MROH2B: variants seen among roughly 807,000 people sequenced by gnomAD.
The protein encoded by MROH2B is maestro heat like repeat family member 2B, also known as maestro heat-like repeat-containing protein family member 2B.
In MROH2B, 177 loss-of-function variants were observed where a neutral mutation model predicts 208.6. That is an observed-to-expected ratio of 0.85 (90% CI 0.75 to 0.96). The LOEUF is 0.96. Ranked by LOEUF, MROH2B falls within the 40% of genes least tolerant of loss-of-function variation. MROH2B has a pLI of 0.00. For missense variants in MROH2B, 2,002 were observed against 1,878.7 expected, an observed-to-expected ratio of 1.07 and a Z score of -1.21; for synonymous variants, 728 against 659.0, an observed-to-expected ratio of 1.10 and a Z score of -1.60.
chr5:41,008,528 A>T (rs1741665777), intron 33 of MROH2B, 78 bp downstream of exon 33: 1 of 1,509,746 alleles, frequency 6.6e-7, no homozygotes, highest in Non-Finnish European at 9.0e-7. Context: ...GAAAGCACAG[A>T]CCCTGACTTC....
intron 24 of MROH2B, among the ~76,000 whole-genome samples, chr5:41,024,958 G>C (rs1301048877): frequency 3.3e-5 from 5 of 152,134 alleles, no homozygotes; most frequent in South Asian, 2.1e-4. Context: ...CGAAATGAAG[G>C]CAGAAATAAA....
chr5:41,042,132 T>G lies in MROH2B; in HGVS notation c.1913A>C (p.Glu638Ala), dbSNP rs1742972817. ...DSDFVNSQIKEFLTAPNQLGD... is the reference protein window; with the variant it reads ...DSDFVNSQIKAFLTAPNQLGD... ...CAGTTGGTTGGGAGCAGTCAGAAAC[T>G]CCTTAATCTGTGAGTTTACAAAGTC... Residue 638 changes from glutamate to alanine, a missense_variant, in exon 19 of 42, where the codon GAG becomes GCG. Glu to Ala is a moderately radical substitution (Grantham distance 107). Transcript: ENST00000399564. 2.5e-6 allele frequency: 4 copies of G among 1,596,660 alleles called. No individual in the cohort carries two copies. The highest frequency in any genetic ancestry group is 1.7e-5 in the Admixed American group (1 of 58,008).
chr5:41,031,537 T>A (rs978157556), intron 24 of MROH2B, among the ~76,000 whole-genome samples: 3 of 152,184 alleles, frequency 2.0e-5, no homozygotes, highest in African/African-American at 7.2e-5. Context: ...TTTTAAAAAA[T>A]TTTTGTGATT....
intron 24 of MROH2B, among the ~76,000 whole-genome samples, chr5:41,028,725 G>A (rs1052071300): frequency 6.6e-6 from 1 of 152,104 alleles, no homozygotes; most frequent in Admixed American, 6.6e-5. Context: ...CAGACACCTA[G>A]GTTGTTTCTA....
Position 41,000,254 on chromosome 5 carries a change from G to A in MROH2B, c.4448C>T (p.Ala1483Val), listed in dbSNP as rs1741345525. 2 of 1,613,890 alleles carry A rather than the reference G, an allele frequency of 1.2e-6. No individual in the cohort carries two copies. The highest frequency in any genetic ancestry group is 8.5e-7 in the Non-Finnish European group (1 of 1,179,824). Residue 1483 changes from alanine (A) to valine (V), a missense_variant, in exon 39 of 42, where the codon GCC (alanine) becomes GTC (valine). By Grantham distance (64) the Ala-to-Val change is moderately conservative. Transcript: ENST00000399564. The part of the protein sequence containing the change: ...DRLLDQDLPR[A>V]RDFYRQFCVK... ...ACAGAATTGCCTGTAGAAATCCCTGGCCCTTGGTAGATCCTGATCAAGGAG... is the reference window on the plus strand; with the variant it reads ...ACAGAATTGCCTGTAGAAATCCCTGACCCTTGGTAGATCCTGATCAAGGAG...
intron 7 of MROH2B, among the ~76,000 whole-genome samples, chr5:41,057,670 C>T (rs1404598519): frequency 6.7e-6 from 1 of 149,986 alleles, no homozygotes; most frequent in Non-Finnish European, 1.5e-5. Flanking sequence ...GATTCTCCTG[C>T]CTCAGCCTCC....
intron 37 of MROH2B, among the ~76,000 whole-genome samples, chr5:41,003,238 G>A (rs544739643): frequency 6.6e-6 from 1 of 152,244 alleles, no homozygotes; most frequent in African/African-American, 2.4e-5. Flanking sequence ...TGGGATTACA[G>A]GCGTGAGCCA....
rs1013983200 is a variant in MROH2B, at chr5:41,016,843, T to C, written c.2884+1007A>G. Among the ~76,000 whole-genome samples the C allele has an allele frequency of 5.3e-5, 8 of 152,096 alleles. No homozygotes were observed. The South Asian group carries it at 1.5e-3, about 28-fold the overall frequency. On this transcript the variant is annotated intron_variant, in intron 28 of 41. Coordinates refer to ENST00000399564, the MANE Select transcript of MROH2B (RefSeq NM_173489.5). Reference sequence around the variant, plus strand: ...TTTTTCCTGACTTGGTAAAAACATATATCTTTAATCAATTATCTTCCTATA... The same window carrying C: ...TTTTTCCTGACTTGGTAAAAACATACATCTTTAATCAATTATCTTCCTATA...
intron 7 of MROH2B, 31 bp downstream of exon 7, chr5:41,058,032 T>A: frequency 6.8e-7 from 1 of 1,467,326 alleles, no homozygotes. Context: ...GCGGGTTCTC[T>A]GATTCAGTTC....
chr5:41,046,025 AC>A (rs1743108223), intron 17 of MROH2B, among the ~76,000 whole-genome samples, 172 bp from the exon 18 acceptor site: 1 of 152,318 alleles, frequency 6.6e-6, no homozygotes, highest in East Asian at 1.9e-4. Flanking sequence ...ATTCTAAAAA[AC>A]ATTTTCTGAT....
chr5:41,032,250 G>A (rs1250547892), intron 24 of MROH2B, among the ~76,000 whole-genome samples: 1 of 152,012 alleles, frequency 6.6e-6, no homozygotes, highest in Non-Finnish European at 1.5e-5. Flanking sequence ...TGAGTTTTTA[G>A]TAATAGCCAT....
At chr5:41,055,401 G>A (rs771288413) in intron 10 of MROH2B, among the ~76,000 whole-genome samples, 3 of 152,060 alleles carry the variant, frequency 2.0e-5, no homozygotes, top group Non-Finnish European at 4.4e-5. Context: ...TTTTGTAAAC[G>A]TATCAATCTC....
At chr5:41,004,642 C>T (rs1579900113) in intron 36 of MROH2B, 114 bp from the exon 37 acceptor site, 1 of 1,512,238 alleles carries the variant, frequency 6.6e-7, no homozygotes, top group East Asian at 2.3e-5. Context: ...TGTAGTTCAA[C>T]CGAAGGACTA....
In MROH2B at chr5:41,058,049, G is replaced by C. The variant is rs1245303904; in HGVS notation, c.756+14C>G. 1 of 1,537,908 alleles carries C rather than the reference G, an allele frequency of 6.5e-7. No homozygotes were observed. ...GGGTTCTCTGATTCAGTTCCTTTAG[G>C]GTATGGCTCTTACCTGAGTGACATG... On this transcript the variant is annotated intron_variant, in intron 7 of 41. Transcript: ENST00000399564.
intron 16 of MROH2B, 63 bp from the exon 17 acceptor site, chr5:41,047,827 C>G: frequency 7.4e-7 from 1 of 1,354,722 alleles, no homozygotes; most frequent in Non-Finnish European, 1.0e-6. Context: ...CTCAAATTCT[C>G]CCCTCCAGGC....
At chr5:41,066,523 G>T (rs891964716) in intron 3 of MROH2B, among the ~76,000 whole-genome samples, 1 of 152,130 alleles carries the variant, frequency 6.6e-6, no homozygotes, top group Non-Finnish European at 1.5e-5. Context: ...GACACCAAAG[G>T]GCTGTGTTCA....
chr5:41,004,783 A>C lies in MROH2B; in HGVS notation c.4002T>G (p.Ala1334=). The C allele has an allele frequency of 6.2e-7, 1 of 1,612,786 alleles. No homozygotes were observed. Residue 1334 remains alanine (A), a synonymous_variant, in exon 36 of 42, where the codon GCT becomes GCG. Transcript: ENST00000399564. The part of the protein sequence containing the change: ...IRGLGNTASG[A]PHKVKKHKQL... ...TTAAAACGCCTTTTACCTTGTGAGG[A>C]GCCCCGGATGCTGTGTTGCCGAGCC...
chr5:41,008,839 A>C, intron 32 of MROH2B, 46 bp from the exon 33 acceptor site: 3 of 1,550,302 alleles, frequency 1.9e-6, no homozygotes, highest in South Asian at 2.4e-5. Context: ...CATTTTCTCC[A>C]AGGCCATCTT....
In MROH2B at chr5:41,058,137, C is replaced by A; in HGVS notation, c.682G>T (p.Gly228Ter). 1 of 1,607,138 alleles carries A rather than the reference C, an allele frequency of 6.2e-7. No individual in the cohort carries two copies. ...CAGGGCACCTGGCCCAGGGCGTATC[C>A]ACGGAAGTCTTCCCGATGCAGCAGC... ...SLLLHREDFR[G>*]YALGQVPWLL... Residue 228 changes from glycine (G) to a stop codon, truncating the protein, a stop_gained, in exon 7 of 42, where the codon GGA becomes TGA. Coordinates refer to ENST00000399564, the MANE Select transcript of MROH2B (RefSeq NM_173489.5). LOFTEE classifies it high-confidence loss of function.
Sources: allele counts gnomAD v4.1 joint callset (sites outside exome capture counted in the v4.1 genomes callset), GRCh38; gene constraint gnomAD v4.1.1; transcripts MANE v1.5; gene names NCBI Gene and HGNC (gene_info 2026-07-23, HGNC 2026-07-21).